The following UTRN variants were observed in gnomAD, a reference collection of about 807,000 sequenced individuals.
UTRN encodes utrophin.
UTRN carries 283 observed loss-of-function variants against 463.9 expected under a neutral mutation model. That is an observed-to-expected ratio of 0.61 (90% CI 0.55 to 0.67). The LOEUF (loss-of-function observed/expected upper bound fraction) is 0.67, where lower values mean the gene tolerates loss of function less well. Ranked by LOEUF, UTRN falls within the 30% of genes least tolerant of loss-of-function variation. UTRN has a pLI of 0.00. For synonymous variants in UTRN, 1,442 were observed against 1,431.5 expected (o/e 1.01, Z -0.17); for missense variants, 3,922 against 4,084.3 (o/e 0.96, Z 1.08).
chr6:144,307,166 G>T (rs917978537), intron 2 of UTRN, among the ~76,000 whole-genome samples: 1 of 152,150 alleles, frequency 6.6e-6, no homozygotes, highest in Non-Finnish European at 1.5e-5. Flanking sequence ...GTAGATGACG[G>T]CAGCGGAAGA....
intron 2 of UTRN, among the ~76,000 whole-genome samples, chr6:144,342,897 C>A (rs1777255089): frequency 6.6e-6 from 1 of 152,104 alleles, no homozygotes; most frequent in African/African-American, 2.4e-5. Flanking sequence ...CTGTGCTTTT[C>A]CCGGTCTCCC....
At chr6:144,451,195 T>A (rs1179560551) in intron 17 of UTRN, among the ~76,000 whole-genome samples, 175 bp from the exon 18 acceptor site, 1 of 152,250 alleles carries the variant, frequency 6.6e-6, no homozygotes, top group Non-Finnish European at 1.5e-5. Context: ...CTTTTCATAC[T>A]TTTAGTTGTA....
chr6:144,411,637 G>A (rs1783906061), intron 3 of UTRN, among the ~76,000 whole-genome samples: 1 of 152,186 alleles, frequency 6.6e-6, no homozygotes, highest in African/African-American at 2.4e-5. Context: ...TTTGGCATGT[G>A]TTTTACAGTA....
intron 34 of UTRN, among the ~76,000 whole-genome samples, chr6:144,503,579 T>C (rs923088654): frequency 4.6e-5 from 7 of 152,178 alleles, no homozygotes; most frequent in Non-Finnish European, 1.0e-4. Context: ...GTGTTATTTC[T>C]GAGGCCTCTG....
chr6:144,686,602 A>G (rs1782784069), intron 52 of UTRN, among the ~76,000 whole-genome samples: 1 of 152,088 alleles, frequency 6.6e-6, no homozygotes, highest in Admixed American at 6.6e-5. Context: ...TTAGGATTGT[A>G]GTATCTTCTT....
chr6:144,612,402 G>A (rs963752932), intron 51 of UTRN, among the ~76,000 whole-genome samples: 1 of 152,052 alleles, frequency 6.6e-6, no homozygotes, highest in Non-Finnish European at 1.5e-5. Flanking sequence ...AGCAAAGGCA[G>A]CAATCAAAGT....
intron 52 of UTRN, among the ~76,000 whole-genome samples, chr6:144,681,640 A>T (rs9399489): frequency 0.17 from 25,666 of 151,700 alleles, 2,754 homozygotes; most frequent in East Asian, 0.57. Context: ...TACGTGGAAA[A>T]AGAACTGAGT....
At chr6:144,787,383 A>C (rs1373701011) in intron 61 of UTRN, among the ~76,000 whole-genome samples, 2 of 152,206 alleles carry the variant, frequency 1.3e-5, no homozygotes, top group Non-Finnish European at 2.9e-5. Flanking sequence ...TCTGCTTAGA[A>C]GGGCTATGTT....
At chr6:144,417,234 C>T (rs1299766616) in intron 3 of UTRN, among the ~76,000 whole-genome samples, 2 of 152,058 alleles carry the variant, frequency 1.3e-5, no homozygotes, top group African/African-American at 4.8e-5. Context: ...TATTTTTTTC[C>T]CTACATATCC....
intron 2 of UTRN, among the ~76,000 whole-genome samples, chr6:144,365,363 A>G (rs1206498904): frequency 3.1e-4 from 47 of 152,240 alleles, no homozygotes; most frequent in Non-Finnish European, 6.9e-4. Context: ...TGACTCAAGT[A>G]CTTTCAACTT....
intron 50 of UTRN, among the ~76,000 whole-genome samples, chr6:144,569,878 G>A (rs1800776895): frequency 6.6e-6 from 1 of 152,154 alleles, no homozygotes; most frequent in African/African-American, 2.4e-5. Context: ...GGATTTGAAG[G>A]TGGAAGAAGT....
intron 58 of UTRN, among the ~76,000 whole-genome samples, chr6:144,770,733 C>T (rs919976192): frequency 6.6e-6 from 1 of 152,126 alleles, no homozygotes; most frequent in Non-Finnish European, 1.5e-5. Flanking sequence ...AAGTATAAAA[C>T]TTGCTTTTAA....
At chr6:144,663,893 T>C (rs913491545) in intron 51 of UTRN, among the ~76,000 whole-genome samples, 1 of 152,188 alleles carries the variant, frequency 6.6e-6, no homozygotes, top group Non-Finnish European at 1.5e-5. Context: ...CAATAAGATA[T>C]AGTAAACACA....
intron 66 of UTRN, among the ~76,000 whole-genome samples, chr6:144,826,236 A>G (rs1780172129): frequency 6.6e-6 from 1 of 152,026 alleles, no homozygotes; most frequent in African/African-American, 2.4e-5. Flanking sequence ...TTTCATCCCA[A>G]TAAGATAATG....
intron 2 of UTRN, among the ~76,000 whole-genome samples, chr6:144,379,639 G>C (rs1173952131): frequency 6.6e-6 from 1 of 152,230 alleles, no homozygotes; most frequent in Non-Finnish European, 1.5e-5. Context: ...ATTCTATTCA[G>C]TAGAAGTGAG....
intron 53 of UTRN, among the ~76,000 whole-genome samples, chr6:144,719,421 T>TA (rs1786856385): frequency 1.3e-5 from 2 of 151,992 alleles, no homozygotes; most frequent in East Asian, 1.9e-4. Context: ...ACTAAAAATA[T>TA]AAAAAATTAT....
chr6:144,697,595 A>G (rs1784153225), intron 52 of UTRN, among the ~76,000 whole-genome samples: 1 of 152,202 alleles, frequency 6.6e-6, no homozygotes, highest in Non-Finnish European at 1.5e-5. Flanking sequence ...AATAACCAGA[A>G]CAGATTTGCC....
At chr6:144,314,639 G>A (rs1775166082) in intron 2 of UTRN, among the ~76,000 whole-genome samples, 1 of 152,190 alleles carries the variant, frequency 6.6e-6, no homozygotes, top group Non-Finnish European at 1.5e-5. Flanking sequence ...CTCCAGAGGA[G>A]TTTGGGACAG....
intron 34 of UTRN, among the ~76,000 whole-genome samples, chr6:144,500,099 A>G (rs143517729): frequency 3.4e-4 from 52 of 152,276 alleles, no homozygotes; most frequent in African/African-American, 1.2e-3. Flanking sequence ...TTTTTGGTAG[A>G]ACAGTTTATT....
Sources: allele counts gnomAD v4.1 joint callset (sites outside exome capture counted in the v4.1 genomes callset), GRCh38; gene constraint gnomAD v4.1.1; transcripts MANE v1.5; gene names NCBI Gene and HGNC (gene_info 2026-07-23, HGNC 2026-07-21).